NLRP1: variants seen among roughly 807,000 people sequenced by gnomAD.
The protein encoded by NLRP1 is NACHT, LRR and PYD domains-containing protein 1.
In NLRP1, 94 loss-of-function variants were observed where a neutral mutation model predicts 136.7. The observed-to-expected ratio is 0.69, with a 90% CI of 0.58 to 0.82. The LOEUF (loss-of-function observed/expected upper bound fraction) is 0.82, where lower values mean the gene tolerates loss of function less well. Among genes scored for constraint, NLRP1 ranks in the 40% least tolerant of loss-of-function variants. The pLI, the probability that NLRP1 is intolerant of heterozygous loss-of-function variation, is 0.00. For synonymous variants in NLRP1, 690 were observed against 725.1 expected, an observed-to-expected ratio of 0.95 and a Z score of 0.78; for missense variants, 1,575 against 1,802.7, an observed-to-expected ratio of 0.87 and a Z score of 2.29.
At chr17:5,512,537 G>C, downstream of NLRP1, 1 of 583,928 alleles carries the variant, frequency 1.7e-6, no homozygotes, top group East Asian at 2.7e-5. Flanking sequence ...TCCTCTTGGA[G>C]GAAGGGTTGT....
At chr17:5,535,056 C>G (rs2151762875) in intron 8 of NLRP1, among the ~76,000 whole-genome samples, 1 of 152,292 alleles carries the variant, frequency 6.6e-6, no homozygotes, top group East Asian at 1.9e-4. Context: ...CCCGTCTCTA[C>G]TAAAAATACA....
chr17:5,539,446 T>G lies in NLRP1; in HGVS notation c.2839A>C (p.Arg947=). 1.2e-6 allele frequency: 2 copies of G among 1,613,906 alleles called. No individual in the cohort carries two copies. Among genetic ancestry groups the G allele is most frequent in the Non-Finnish European group, 1.7e-6 (2 of 1,179,916 alleles). ...CGTATGAGTTTGCAGGCAGGATGCCTGAGCCCCTCACAGAGCAGTCGCACG... is the reference window on the plus strand; with the variant it reads ...CGTATGAGTTTGCAGGCAGGATGCCGGAGCCCCTCACAGAGCAGTCGCACG... ...VGVRLLCEGL[R]HPACKLIRLG... Residue 947 remains arginine (R), a synonymous_variant, in exon 7 of 17, where the codon AGG becomes CGG. Coordinates refer to ENST00000572272, the MANE Select transcript of NLRP1 (RefSeq NM_033004.4).
downstream of NLRP1, chr17:5,512,644 C>T (rs780239909): frequency 7.7e-5 from 30 of 389,278 alleles, no homozygotes; most frequent in Admixed American, 8.4e-5. Flanking sequence ...GTGACCTGTG[C>T]GGTCACACAG....
intron 5 of NLRP1, among the ~76,000 whole-genome samples, chr17:5,546,247 A>T (rs1476136873): frequency 6.6e-6 from 1 of 152,168 alleles, no homozygotes; most frequent in African/African-American, 2.4e-5. Context: ...GCTGGCTGCA[A>T]GATCCAAGGA....
chr17:5,512,361 G>T, downstream of NLRP1: 1 of 1,258,228 alleles, frequency 7.9e-7, no homozygotes, highest in Non-Finnish European at 1.2e-6. Flanking sequence ...TGGTTATTTC[G>T]TGATCTGTGG....
chr17:5,564,143 G>A (rs952322706), intron 3 of NLRP1, among the ~76,000 whole-genome samples: 1 of 152,162 alleles, frequency 6.6e-6, no homozygotes, highest in Non-Finnish European at 1.5e-5. Flanking sequence ...TGTAAAATAA[G>A]CACATCATGG....
chr17:5,506,531 T>G lies in NLRP1; in HGVS notation c.4070-4659A>C, dbSNP rs1480921193. ...AAGGTGGAAGCAACACACGTGTCCATCAACAGATGAACAGATAACCAAAAT... is the reference window on the plus strand; with the variant it reads ...AAGGTGGAAGCAACACACGTGTCCAGCAACAGATGAACAGATAACCAAAAT... On this transcript the variant is annotated intron_variant, in intron 15 of 15. Transcript: ENST00000262467. Among the ~76,000 whole-genome samples the G allele has an allele frequency of 2.0e-5, 3 of 152,222 alleles. No individual in the cohort carries two copies. In the South Asian group the frequency reaches 6.2e-4, roughly 32 times the overall value.
chr17:5,527,455 T>C (rs981754178), intron 12 of NLRP1, among the ~76,000 whole-genome samples: 1 of 151,950 alleles, frequency 6.6e-6, no homozygotes, highest in Non-Finnish European at 1.5e-5. Flanking sequence ...TAGTGGGACA[T>C]GGGCTTGGGC....
At position 5,515,478 on chromosome 17, in the gene NLRP1, C is replaced by G. The variant is rs367981968; in HGVS notation, c.4097G>C (p.Arg1366Pro). The G allele has an allele frequency of 6.2e-7, 1 of 1,612,690 alleles. No homozygotes were observed. The highest frequency in any genetic ancestry group is 1.3e-5 in the African/African-American group (1 of 74,876). Reference sequence around the variant, plus strand: ...CTCTGAGAGCTGTTACTGACCTATGCGGGCTGGAGGGATCAGAGTAGTTGC... The same window carrying G: ...CTCTGAGAGCTGTTACTGACCTATGGGGGCTGGAGGGATCAGAGTAGTTGC... ...MPATTLIPPA[R>P]IAVPSPLDAP... The change falls in exon 16 of 17, where the codon CGC becomes CCC. Residue 1366 changes from arginine to proline, a missense_variant. Coordinates refer to ENST00000572272, the MANE Select transcript of NLRP1 (RefSeq NM_033004.4).
intron 3 of NLRP1, 64 bp from the exon 4 acceptor site, chr17:5,560,107 A>T: frequency 4.3e-6 from 6 of 1,380,636 alleles, no homozygotes; most frequent in African/African-American, 1.5e-5. Context: ...TAATTAATTA[A>T]ACAACTGTTT....
intron 15 of NLRP1, among the ~76,000 whole-genome samples, chr17:5,516,827 A>T (rs1233577522): frequency 6.6e-6 from 1 of 152,098 alleles, no homozygotes; most frequent in Non-Finnish European, 1.5e-5. Flanking sequence ...TCCTCTTTCC[A>T]CTACACTGTG....
chr17:5,564,532 C>G (rs1299561047), intron 3 of NLRP1, among the ~76,000 whole-genome samples: 2 of 152,170 alleles, frequency 1.3e-5, no homozygotes, highest in African/African-American at 4.8e-5. Flanking sequence ...GACTGGGACT[C>G]ATTCTCTTTG....
intron 11 of NLRP1, among the ~76,000 whole-genome samples, chr17:5,531,239 A>G (rs1910236888): frequency 6.6e-6 from 1 of 151,170 alleles, no homozygotes; most frequent in Non-Finnish European, 1.5e-5. Context: ...CTATGGAAAT[A>G]TGGTCTCACT....
chr17:5,546,665 C>G (rs1026261579), intron 5 of NLRP1, among the ~76,000 whole-genome samples: 1 of 152,248 alleles, frequency 6.6e-6, no homozygotes, highest in East Asian at 1.9e-4. Context: ...AAGAAAAACA[C>G]TACATGGTCT....
intron 3 of NLRP1, among the ~76,000 whole-genome samples, chr17:5,578,969 G>C (rs559785664): frequency 1.3e-5 from 2 of 152,292 alleles, no homozygotes; most frequent in African/African-American, 4.8e-5. Context: ...TAGGGAAATG[G>C]ATGAAGCTGG....
downstream of NLRP1, among the ~76,000 whole-genome samples, chr17:5,509,968 C>T (rs1178988200): frequency 6.6e-6 from 1 of 152,238 alleles, no homozygotes; most frequent in Non-Finnish European, 1.5e-5. Flanking sequence ...CTGCCCTGCA[C>T]TTCTCATTCC....
At chr17:5,563,310 A>G (rs1199691658) in intron 3 of NLRP1, among the ~76,000 whole-genome samples, 1 of 152,238 alleles carries the variant, frequency 6.6e-6, no homozygotes, top group African/African-American at 2.4e-5. Flanking sequence ...AATTCAGAAT[A>G]TGAGTAGGAA....
Position 5,581,846 on chromosome 17 carries a change from A to T in NLRP1, c.652+13T>A. On this transcript the variant is annotated intron_variant, in intron 3 of 16. Coordinates refer to ENST00000572272, the MANE Select transcript of NLRP1 (RefSeq NM_033004.4). The stretch of plus-strand genomic sequence containing the variant: ...CACCTCACCACCCCGCCAGGAGCTC[A>T]GTAGGGTCTCACCTGTGTAGTAAAT... 6.2e-7 allele frequency: 1 copy of T among 1,607,008 alleles called. No individual in the cohort carries two copies. The highest frequency in any genetic ancestry group is 2.2e-5 in the East Asian group (1 of 44,828).
intron 15 of NLRP1, chr17:5,502,688 G>A (rs1907150098): frequency 6.5e-6 from 1 of 152,870 alleles, no homozygotes. Flanking sequence ...GGAATGGAAG[G>A]TTGCAGAAGG....
Sources: allele counts gnomAD v4.1 joint callset (sites outside exome capture counted in the v4.1 genomes callset), GRCh38; gene constraint gnomAD v4.1.1; transcripts MANE v1.5; gene names NCBI Gene and HGNC (gene_info 2026-07-23, HGNC 2026-07-21).